Variants in PCM1 observed in about 807,000 individuals in gnomAD.
The protein encoded by PCM1 is pericentriolar material 1 protein.
A neutral mutation model predicts 241.9 loss-of-function variants in PCM1; 157 were observed. That is an observed-to-expected ratio of 0.65 (90% CI 0.57 to 0.74). The LOEUF is 0.74. PCM1 is among the 30% of genes least tolerant of loss of function. The pLI is 0.00. For missense variants in PCM1, 3,478 were observed against 2,360.1 expected (o/e 1.47, Z -9.81); for synonymous variants, 1,085 against 784.9 (o/e 1.38, Z -6.39).
At chr8:17,999,617 C>T (rs1438552551) in intron 29 of PCM1, among the ~76,000 whole-genome samples, 2 of 152,118 alleles carry the variant, frequency 1.3e-5, no homozygotes, top group East Asian at 3.9e-4. Flanking sequence ...TCAGTGCTGC[C>T]TGGGGTTGGG....
chr8:17,950,214 C>T (rs1347182245), intron 7 of PCM1, among the ~76,000 whole-genome samples: 2 of 152,208 alleles, frequency 1.3e-5, no homozygotes, highest in African/African-American at 2.4e-5. Flanking sequence ...GCCAGCCCCT[C>T]TACCGGAGAA....
At chr8:17,953,413 C>T (rs187494142) in intron 9 of PCM1, among the ~76,000 whole-genome samples, 1 of 151,994 alleles carries the variant, frequency 6.6e-6, no homozygotes, top group African/African-American at 2.4e-5. Context: ...TAAAGTTGGA[C>T]CTTGAAAAAT....
At chr8:17,928,616 C>CTTTTTTTTTTTTTTTTTTTTTTTTT (rs71215287) in intron 2 of PCM1, among the ~76,000 whole-genome samples, 1 of 82,570 alleles carries the variant, frequency 1.2e-5, no homozygotes, top group Non-Finnish European at 2.4e-5. Context: ...GTATCTCCCT[C>CTTTTTTTTTTTTTTTTTTTTTTTTT]TTTTTTTTTT....
At chr8:17,940,246 C>G in intron 6 of PCM1, 2 of 685,902 alleles carry the variant, frequency 2.9e-6, no homozygotes, top group Middle Eastern at 2.5e-4. Flanking sequence ...ATAGGCGTTC[C>G]TTAATGAAAA....
At position 18,009,761 on chromosome 8, in the gene PCM1, T is replaced by A. The variant is rs1426546451; in HGVS notation, c.5160+17T>A. The A allele has an allele frequency of 7.2e-7, 1 of 1,385,460 alleles. No homozygotes were observed. The highest frequency in any genetic ancestry group is 2.5e-5 in the East Asian group (1 of 40,252). The allele number at this position is 1,385,460 out of a possible 1,614,324, so 85.8% of individuals were successfully genotyped here. A position where few individuals can be genotyped will look rare whatever the true frequency, so the allele number is the denominator to read the frequency against. ...GCCAAAGAGGTAAATAACGTTCATT[T>A]TGATTTTTAGGATAATTGACACATA... On this transcript the variant is annotated intron_variant, in intron 31 of 38. Transcript: ENST00000325083.
rs755081016 is a variant in PCM1 at position 17,955,621 on chromosome 8, C to T, written c.1440C>T (p.Asn480=). ...TAGTATCTCAGAATGAGAGTGAAAACGAAGGCCACCTCAATCCATCTGAAA... is the reference window on the plus strand; with the variant it reads ...TAGTATCTCAGAATGAGAGTGAAAATGAAGGCCACCTCAATCCATCTGAAA... ...ASLVSQNESE[N]EGHLNPSEKL... The change falls in exon 10 of 39, where the codon AAC becomes AAT. Residue 480 remains asparagine, a synonymous_variant. Coordinates refer to ENST00000325083, the MANE Select transcript of PCM1 (RefSeq NM_006197.4). 6.2e-6 allele frequency: 10 copies of T among 1,613,342 alleles called. No individual in the cohort carries two copies. The highest frequency in any genetic ancestry group is 8.5e-6 in the Non-Finnish European group (10 of 1,179,438).
In PCM1 at chr8:18,023,328, G is replaced by A. The variant is rs561099537; in HGVS notation, c.5842-2033G>A. On this transcript the variant is annotated intron_variant, in intron 36 of 38. Transcript: ENST00000325083. ...GAACTCCCTGTGATCTCCCAAACTC[G>A]AATATATGAAGGGGTTCTAGATTTT... Among the ~76,000 whole-genome samples, 10 of 152,210 alleles carry A rather than the reference G, an allele frequency of 6.6e-5. No homozygotes were observed. The South Asian group carries it at 2.1e-3, about 32-fold the overall frequency.
intron 36 of PCM1, among the ~76,000 whole-genome samples, chr8:18,023,084 C>T (rs1265292942): frequency 1.3e-5 from 2 of 152,058 alleles, no homozygotes; most frequent in African/African-American, 2.4e-5. Flanking sequence ...TCACATCATT[C>T]CCAATTGGTG....
chr8:17,947,939 T>A (rs208765), intron 7 of PCM1, among the ~76,000 whole-genome samples: 1 of 152,028 alleles, frequency 6.6e-6, no homozygotes, highest in Non-Finnish European at 1.5e-5. Context: ...GTGAATTAGA[T>A]GAAAGTTGTG....
Position 17,973,829 on chromosome 8 carries a change from A to G in PCM1, c.3943+1142A>G, listed in dbSNP as rs2077703189. On this transcript the variant is annotated intron_variant, in intron 23 of 38. Transcript: ENST00000325083. Reference sequence around the variant, plus strand: ...TCCCTTTCTTGGAAGTTCACAACACATACAAGTATAGTAAATGCCCTGAGA... The same window carrying G: ...TCCCTTTCTTGGAAGTTCACAACACGTACAAGTATAGTAAATGCCCTGAGA... Among the ~76,000 whole-genome samples the G allele has an allele frequency of 3.3e-5, 5 of 152,328 alleles. No individual in the cohort carries two copies. In the South Asian group the frequency reaches 8.3e-4, roughly 25 times the overall value.
chr8:17,964,899 C>G (rs1250607599), intron 18 of PCM1, 131 bp downstream of exon 18: 1 of 675,238 alleles, frequency 1.5e-6, no homozygotes, highest in African/African-American at 1.8e-5. Context: ...ACACTAACTA[C>G]TCAGAGTTAG....
intron 29 of PCM1, among the ~76,000 whole-genome samples, chr8:18,000,590 G>A (rs983863106): frequency 1.3e-5 from 2 of 150,976 alleles, no homozygotes; most frequent in Admixed American, 6.6e-5. Flanking sequence ...GAAGGCTTGG[G>A]AGAAGGGGGA....
chr8:18,000,214 C>T (rs1203671085), intron 29 of PCM1, among the ~76,000 whole-genome samples: 3 of 152,084 alleles, frequency 2.0e-5, no homozygotes, highest in Non-Finnish European at 4.4e-5. Flanking sequence ...GTTGAAGGAA[C>T]TAGAGGGAAA....
At position 17,937,125 on chromosome 8, in the gene PCM1, T is replaced by A; in HGVS notation, c.97-9T>A. Reference sequence around the variant, plus strand: ...GGCCATGTTAATTTTTGCTTTTACTTTTTTAAAGGATTGGGGTGCCCAACA... The same window carrying A: ...GGCCATGTTAATTTTTGCTTTTACTATTTTAAAGGATTGGGGTGCCCAACA... On this transcript the variant is annotated splice_polypyrimidine_tract_variant and intron_variant, in intron 3 of 38. Transcript: ENST00000325083. 1 of 1,540,374 alleles carries A rather than the reference T, an allele frequency of 6.5e-7. No homozygotes were observed. Among genetic ancestry groups the A allele is most frequent in the Non-Finnish European group, 8.8e-7 (1 of 1,142,344 alleles).
At chr8:17,972,841 AT>A (rs11372551) in intron 23 of PCM1, among the ~76,000 whole-genome samples, 154 bp downstream of exon 23, 4 of 151,490 alleles carry the variant, frequency 2.6e-5, no homozygotes, top group East Asian at 1.9e-4. Context: ...TATATATATA[AT>A]TTTTTTTTAC....
intron 24 of PCM1, among the ~76,000 whole-genome samples, chr8:17,981,849 A>G (rs909164654): frequency 6.6e-6 from 1 of 152,076 alleles, no homozygotes; most frequent in African/African-American, 2.4e-5. Flanking sequence ...TTCAGAAGTC[A>G]TGCCCTTAAT....
At chr8:17,955,041 T>A (rs770410923) in intron 9 of PCM1, among the ~76,000 whole-genome samples, 6 of 152,096 alleles carry the variant, frequency 3.9e-5, no homozygotes, top group Non-Finnish European at 8.8e-5. Context: ...CCTGTAAAGA[T>A]TACAGATTGA....
intron 9 of PCM1, 37 bp downstream of exon 9, chr8:17,953,223 C>A: frequency 9.1e-7 from 1 of 1,095,994 alleles, no homozygotes; most frequent in Non-Finnish European, 1.3e-6. Flanking sequence ...GGGTATAAGA[C>A]ACACAAGTAT....
At chr8:17,952,217 T>TG (rs1343464153) in intron 8 of PCM1, among the ~76,000 whole-genome samples, 1 of 128,368 alleles carries the variant, frequency 7.8e-6, no homozygotes, top group Non-Finnish European at 1.6e-5. Context: ...AGTGAGACTT[T>TG]GTCTCAAAAA....
Sources: allele counts gnomAD v4.1 joint callset (sites outside exome capture counted in the v4.1 genomes callset), GRCh38; gene constraint gnomAD v4.1.1; transcripts MANE v1.5; gene names NCBI Gene and HGNC (gene_info 2026-07-23, HGNC 2026-07-21).